MAGI2: variants seen among roughly 807,000 people sequenced by gnomAD.
The protein encoded by MAGI2 is membrane-associated guanylate kinase, WW and PDZ domain-containing protein 2.
MAGI2 carries 35 observed loss-of-function variants against 133.3 expected under a neutral mutation model. The ratio of observed to expected loss-of-function variants is 0.26; its 90% CI spans 0.20 to 0.35. MAGI2 has a LOEUF of 0.35. Among genes scored for constraint, MAGI2 ranks in the 10% least tolerant of loss-of-function variants. MAGI2 has a pLI of 1.00. For synonymous variants in MAGI2, 729 were observed against 710.6 expected, an observed-to-expected ratio of 1.03 and a Z score of -0.41; for missense variants, 1,636 against 1,863.4, an observed-to-expected ratio of 0.88 and a Z score of 2.25.
At chr7:78,632,203 A>G (rs1809083557) in intron 2 of MAGI2, among the ~76,000 whole-genome samples, 2 of 152,232 alleles carry the variant, frequency 1.3e-5, no homozygotes, top group South Asian at 4.1e-4. Context: ...GCCTTCATGG[A>G]ACTAATATTT....
intron 9 of MAGI2, among the ~76,000 whole-genome samples, chr7:78,320,800 G>T (rs2151120178): frequency 6.6e-6 from 1 of 152,218 alleles, no homozygotes; most frequent in African/African-American, 2.4e-5. Context: ...AAGAAACAAA[G>T]GGTATTCAAA....
intron 3 of MAGI2, among the ~76,000 whole-genome samples, chr7:78,563,269 A>G (rs964979639): frequency 6.6e-6 from 1 of 152,142 alleles, no homozygotes; most frequent in Non-Finnish European, 1.5e-5. Context: ...TAAAAATGCA[A>G]GACAATTACT....
chr7:78,270,378 T>C (rs1794447305), intron 9 of MAGI2, among the ~76,000 whole-genome samples: 1 of 152,194 alleles, frequency 6.6e-6, no homozygotes, highest in African/African-American at 2.4e-5. Flanking sequence ...TTTCATGATA[T>C]TGATTCTTCC....
chr7:78,916,981 C>T (rs779438402), intron 2 of MAGI2, among the ~76,000 whole-genome samples: 1 of 152,056 alleles, frequency 6.6e-6, no homozygotes, highest in Non-Finnish European at 1.5e-5. Flanking sequence ...TTCAGAACAT[C>T]CTGGCTCAAG....
chr7:79,126,187 T>G (rs1373576154), intron 1 of MAGI2, among the ~76,000 whole-genome samples: 3 of 152,178 alleles, frequency 2.0e-5, no homozygotes, highest in Non-Finnish European at 2.9e-5. Flanking sequence ...GATGAAGTAA[T>G]GGGGACGAAA....
intron 3 of MAGI2, among the ~76,000 whole-genome samples, chr7:78,524,791 T>C (rs762880026): frequency 5.9e-5 from 9 of 152,334 alleles, no homozygotes; most frequent in Admixed American, 1.3e-4. Context: ...TGCTATGCTT[T>C]CTATGGAATC....
chr7:78,201,548 A>G (rs1217615853), intron 10 of MAGI2, among the ~76,000 whole-genome samples: 1 of 152,242 alleles, frequency 6.6e-6, no homozygotes, highest in Non-Finnish European at 1.5e-5. Flanking sequence ...ATATTGACAT[A>G]CATTTTGATT....
chr7:78,272,049 T>C lies in MAGI2; in HGVS notation c.1409-15468A>G, dbSNP rs1341954084. ...AATTGCGATGTTAGGGTGTCGATTT[T>C]AGATCTTTCTTGCTTTCTCTTGCGG... is the stretch of plus-strand genomic sequence containing the variant. On this transcript the variant is annotated intron_variant, in intron 9 of 21. Coordinates refer to ENST00000354212, the MANE Select transcript of MAGI2 (RefSeq NM_012301.4). 3.3e-5 allele frequency among the ~76,000 whole-genome samples: 5 copies of C among 152,220 alleles called. No homozygotes were observed. The East Asian group carries it at 9.6e-4, about 29-fold the overall frequency.
chr7:79,008,424 C>T (rs1485456788), intron 1 of MAGI2, among the ~76,000 whole-genome samples: 1 of 152,082 alleles, frequency 6.6e-6, no homozygotes, highest in Non-Finnish European at 1.5e-5. Flanking sequence ...CAGTTGCCTC[C>T]TAATCTGCAG....
chr7:78,046,233 TAAAAAAA>T (rs59275049), intron 21 of MAGI2, among the ~76,000 whole-genome samples: 2 of 117,780 alleles, frequency 1.7e-5, no homozygotes, highest in Non-Finnish European at 3.6e-5. Context: ...CTGTCTCTAC[TAAAAAAA>T]AAAAAAAAAA....
At chr7:79,213,120 C>G (rs1415193131) in intron 1 of MAGI2, among the ~76,000 whole-genome samples, 2 of 151,848 alleles carry the variant, frequency 1.3e-5, no homozygotes, top group Non-Finnish European at 2.9e-5. Context: ...TTTTTTGCCT[C>G]TGTAACTACC....
intron 2 of MAGI2, chr7:78,946,820 T>C (rs1348629452): frequency 4.6e-5 from 7 of 152,144 alleles, no homozygotes; most frequent in Admixed American, 6.6e-5. Context: ...AAATATATTT[T>C]TATGTATTGA....
chr7:78,244,059 C>T (rs745326470), intron 10 of MAGI2, among the ~76,000 whole-genome samples: 6 of 140,548 alleles, frequency 4.3e-5, no homozygotes, highest in Admixed American at 1.4e-4. Context: ...CATGGTGGCT[C>T]ACACCTGGAA....
chr7:78,640,308 A>G (rs1810150689), intron 2 of MAGI2, among the ~76,000 whole-genome samples: 2 of 152,190 alleles, frequency 1.3e-5, no homozygotes, highest in Admixed American at 1.3e-4. Context: ...AAAACAAAAA[A>G]CAAAAAACAA....
chr7:79,058,694 C>T (rs1021285101), intron 1 of MAGI2, among the ~76,000 whole-genome samples: 5 of 151,956 alleles, frequency 3.3e-5, no homozygotes, highest in African/African-American at 1.2e-4. Flanking sequence ...AGGAGAATAA[C>T]AGAAATAAAT....
At chr7:78,796,576 G>T (rs1787633911) in intron 2 of MAGI2, among the ~76,000 whole-genome samples, 1 of 152,148 alleles carries the variant, frequency 6.6e-6, no homozygotes, top group African/African-American at 2.4e-5. Context: ...AAACGGTATG[G>T]AGGTTCCTCA....
At chr7:79,187,902 G>GC (rs2129550896) in intron 1 of MAGI2, among the ~76,000 whole-genome samples, 1 of 151,644 alleles carries the variant, frequency 6.6e-6, no homozygotes, top group African/African-American at 2.4e-5. Flanking sequence ...ATAAAGTTAT[G>GC]CAAAAAAAAT....
chr7:78,630,736 C>A (rs1225529100), intron 2 of MAGI2, among the ~76,000 whole-genome samples: 2 of 151,998 alleles, frequency 1.3e-5, no homozygotes, highest in Non-Finnish European at 2.9e-5. Context: ...TTTGATTACT[C>A]TATATGTAAT....
rs549447261 is a variant in MAGI2, at chr7:79,384,661, C to T, written c.301+68359G>A. The stretch of plus-strand genomic sequence containing the variant: ...TCACAGGTAAATATTTGCAAACTTA[C>T]CAACTTATATATATTAAATAGGTAA... On this transcript the variant is annotated intron_variant, in intron 1 of 21. Transcript: ENST00000354212. Among the ~76,000 whole-genome samples the T allele has an allele frequency of 9.4e-4, 142 of 151,624 alleles. No homozygotes were observed. In the Middle Eastern group the frequency reaches 0.014, roughly 15 times the overall value.
Sources: allele counts gnomAD v4.1 joint callset (sites outside exome capture counted in the v4.1 genomes callset), GRCh38; gene constraint gnomAD v4.1.1; transcripts MANE v1.5; gene names NCBI Gene and HGNC (gene_info 2026-07-23, HGNC 2026-07-21).